Variants in ALK observed in about 807,000 individuals in gnomAD.
ALK encodes the protein ALK tyrosine kinase receptor.
Under a neutral mutation model 163.1 loss-of-function variants are expected in ALK, and 74 were observed. That is an observed-to-expected ratio of 0.45 (90% CI 0.38 to 0.55). The LOEUF is 0.55. Among genes scored for constraint, ALK ranks in the 20% least tolerant of loss-of-function variants. The pLI is 0.00. For synonymous variants in ALK, 960 were observed against 843.2 expected, an observed-to-expected ratio of 1.14 and a Z score of -2.40; for missense variants, 2,063 against 2,105.3, an observed-to-expected ratio of 0.98 and a Z score of 0.39.
At chr2:29,751,777 T>C (rs1328588392) in intron 1 of ALK, among the ~76,000 whole-genome samples, 2 of 152,212 alleles carry the variant, frequency 1.3e-5, no homozygotes, top group Non-Finnish European at 2.9e-5. Context: ...CACCACGTCT[T>C]CATGTTCTAG....
At chr2:29,442,634 T>C (rs1332914019) in intron 4 of ALK, among the ~76,000 whole-genome samples, 2 of 152,124 alleles carry the variant, frequency 1.3e-5, no homozygotes, top group Non-Finnish European at 2.9e-5. Flanking sequence ...CCAGGCCTGG[T>C]TGGTGTCAGG....
intron 9 of ALK, among the ~76,000 whole-genome samples, chr2:29,294,920 C>T (rs1485461910): frequency 1.3e-5 from 2 of 152,134 alleles, no homozygotes; most frequent in East Asian, 1.9e-4. Context: ...TTGATTTTAG[C>T]GAATGAAAAC....
At chr2:29,576,368 G>C (rs1318508469) in intron 3 of ALK, among the ~76,000 whole-genome samples, 1 of 152,176 alleles carries the variant, frequency 6.6e-6, no homozygotes, top group Non-Finnish European at 1.5e-5. Context: ...TCTGGGTGTT[G>C]CTCTACATTT....
intron 3 of ALK, among the ~76,000 whole-genome samples, chr2:29,652,812 G>A (rs1328432547): frequency 1.3e-5 from 2 of 152,082 alleles, no homozygotes; most frequent in Non-Finnish European, 2.9e-5. Flanking sequence ...CCCAGAGAGG[G>A]CATGGGAGCA....
chr2:29,322,499 A>C (rs1330626373), intron 6 of ALK, among the ~76,000 whole-genome samples: 1 of 152,260 alleles, frequency 6.6e-6, no homozygotes, highest in Non-Finnish European at 1.5e-5. Flanking sequence ...AACTGGTGGA[A>C]GTGACCTTCT....
At position 29,531,961 on chromosome 2, in the gene ALK, C is replaced by T. The variant is rs373120394; in HGVS notation, c.1108G>A (p.Glu370Lys). The T allele has an allele frequency of 1.7e-5, 28 of 1,614,036 alleles. No individual in the cohort carries two copies. In the African/African-American group the frequency reaches 2.4e-4, roughly 14 times the overall value. ...RYIAQLLPHN[E>K]AAREILLMPT... The stretch of plus-strand genomic sequence containing the variant: ...ATCAGGAGGATCTCTCTTGCAGCCT[C>T]GTTGTGGGGCAGCAGCTGGGCAATG... Residue 370 changes from glutamate to lysine, a missense_variant, in exon 4 of 29, where the codon GAG becomes AAG. Transcript: ENST00000389048.
At chr2:29,670,760 CTGCT>C (rs1677658652) in intron 3 of ALK, among the ~76,000 whole-genome samples, 1 of 152,012 alleles carries the variant, frequency 6.6e-6, no homozygotes, top group Admixed American at 6.6e-5. Context: ...GATTTTTCCT[CTGCT>C]TGGCCGATTT....
Position 29,920,502 on chromosome 2 carries a change from C to T in ALK, c.158G>A (p.Ser53Asn), listed in dbSNP as rs754798392. Residue 53 changes from serine to asparagine, a missense_variant, in exon 1 of 29, where the codon AGT becomes AAT. Ser to Asn is a conservative substitution (Grantham distance 46, BLOSUM62 1). This residue lies in a region of ALK where 987 missense variants were observed against 939.5 expected (regional missense o/e 1.05). Coordinates refer to ENST00000389048, the MANE Select transcript of ALK (RefSeq NM_004304.5). ...GGGCACCACGAAGTCAACTGCCAGACTCTTCCTCTGCAGGCGCGAGTAGCT... is the reference window on the plus strand; with the variant it reads ...GGGCACCACGAAGTCAACTGCCAGATTCTTCCTCTGCAGGCGCGAGTAGCT... ...PLSYSRLQRK[S>N]LAVDFVVPSL... 2.5e-6 allele frequency: 4 copies of T among 1,612,934 alleles called. No individual in the cohort carries two copies. The highest frequency in any genetic ancestry group is 3.4e-6 in the Non-Finnish European group (4 of 1,179,710).
intron 5 of ALK, among the ~76,000 whole-genome samples, chr2:29,346,797 T>C (rs918807993): frequency 6.6e-6 from 1 of 152,208 alleles, no homozygotes; most frequent in Non-Finnish European, 1.5e-5. Flanking sequence ...AAGCAATTCC[T>C]GGGTCCATCT....
intron 1 of ALK, among the ~76,000 whole-genome samples, chr2:29,806,292 C>A (rs57347299): frequency 6.6e-6 from 1 of 152,054 alleles, no homozygotes; most frequent in African/African-American, 2.4e-5. Flanking sequence ...GTGTGGGATG[C>A]TGAAGCTTCT....
rs537451082 is a variant in ALK, at chr2:29,616,039, A to G, written c.952+78811T>C. On this transcript the variant is annotated intron_variant, in intron 3 of 28. Coordinates refer to ENST00000389048, the MANE Select transcript of ALK (RefSeq NM_004304.5). Reference sequence around the variant, plus strand: ...ATTTCTACTCAAAGCCATTTTATTAAGTCAGGGATGGGGAGACCCAGACCC... The same window carrying G: ...ATTTCTACTCAAAGCCATTTTATTAGGTCAGGGATGGGGAGACCCAGACCC... Among the ~76,000 whole-genome samples, 8 of 152,334 alleles carry G rather than the reference A, an allele frequency of 5.3e-5. No individual in the cohort carries two copies. In the East Asian group the frequency reaches 1.5e-3, roughly 29 times the overall value.
intron 1 of ALK, among the ~76,000 whole-genome samples, chr2:29,782,208 G>A (rs1014364445): frequency 2.6e-5 from 4 of 152,132 alleles, no homozygotes; most frequent in Non-Finnish European, 4.4e-5. Context: ...AATCAGCCTT[G>A]CCTGCCCTGA....
At chr2:29,432,857 G>T (rs1393310268) in intron 4 of ALK, among the ~76,000 whole-genome samples, 1 of 151,986 alleles carries the variant, frequency 6.6e-6, no homozygotes, top group Non-Finnish European at 1.5e-5. Flanking sequence ...AGTGAAGTGG[G>T]GGTGAGTAAG....
At chr2:29,310,074 G>T (rs1166373651) in intron 8 of ALK, among the ~76,000 whole-genome samples, 1 of 152,184 alleles carries the variant, frequency 6.6e-6, no homozygotes, top group East Asian at 1.9e-4. Flanking sequence ...TGTTGTTGTT[G>T]TTTTCTCAAA....
intron 3 of ALK, among the ~76,000 whole-genome samples, chr2:29,621,681 G>A (rs1438853547): frequency 1.3e-5 from 2 of 152,200 alleles, no homozygotes; most frequent in African/African-American, 4.8e-5. Flanking sequence ...TTCTTTACTT[G>A]CTGGCCTTCT....
intron 3 of ALK, among the ~76,000 whole-genome samples, chr2:29,621,336 T>G (rs1676033486): frequency 6.6e-6 from 1 of 152,222 alleles, no homozygotes; most frequent in Non-Finnish European, 1.5e-5. Flanking sequence ...TCTGTTTTCT[T>G]CCTTTCTAAA....
chr2:29,310,862 A>C (rs1387282361), intron 8 of ALK, among the ~76,000 whole-genome samples: 1 of 152,178 alleles, frequency 6.6e-6, no homozygotes, highest in Non-Finnish European at 1.5e-5. Context: ...AGACTCTGTA[A>C]GCTTTGACAC....
At chr2:29,877,916 C>G (rs948153546) in intron 1 of ALK, among the ~76,000 whole-genome samples, 2 of 152,162 alleles carry the variant, frequency 1.3e-5, no homozygotes, top group Admixed American at 6.5e-5. Context: ...CTCTGCCCAA[C>G]CCTAGGATTC....
At chr2:29,797,023 CACACAT>C (rs1358875491) in intron 1 of ALK, among the ~76,000 whole-genome samples, 5 of 151,756 alleles carry the variant, frequency 3.3e-5, no homozygotes, top group African/African-American at 9.7e-5. Flanking sequence ...CACACACACA[CACACAT>C]ACACACACAT....
Sources: allele counts gnomAD v4.1 joint callset (sites outside exome capture counted in the v4.1 genomes callset), GRCh38; gene constraint gnomAD v4.1.1; regional missense constraint gnomAD v4.1.1; transcripts MANE v1.5; gene names NCBI Gene and HGNC (gene_info 2026-07-23, HGNC 2026-07-21).